Variants in SOS2 observed in about 807,000 individuals in gnomAD.
The protein encoded by SOS2 is SOS Ras/Rho guanine nucleotide exchange factor 2, also known as son of sevenless homolog 2.
A neutral mutation model predicts 148.2 loss-of-function variants in SOS2; 65 were observed. That is an observed-to-expected ratio of 0.44 (90% confidence interval 0.36 to 0.54). The LOEUF is 0.54. Among genes scored for constraint, SOS2 ranks in the 20% least tolerant of loss-of-function variants. The pLI is 0.00. For missense variants in SOS2, 1,341 were observed against 1,590.2 expected (o/e 0.84, Z 2.67); for synonymous variants, 539 against 537.1 (o/e 1.00, Z -0.05).
rs140607195 is a variant in SOS2 at position 50,173,690 on chromosome 14, G to T, written c.1068+764C>A. Among the ~76,000 whole-genome samples, 949 of 152,214 alleles carry T rather than the reference G, an allele frequency of 6.2e-3. 12 individuals carry two copies. The highest frequency in any genetic ancestry group is 0.021 in the African/African-American group (890 of 41,536). On this transcript the variant is annotated intron_variant, in intron 8 of 22. Transcript: ENST00000216373. Reference sequence around the variant, plus strand: ...CCCGCCTCGGCCTCCCAAAGTGCTGGGATTACAGGCGTGAACCACCGCGCC... The same window carrying T: ...CCCGCCTCGGCCTCCCAAAGTGCTGTGATTACAGGCGTGAACCACCGCGCC...
At chr14:50,158,967 G>A (rs1343134656) in intron 10 of SOS2, among the ~76,000 whole-genome samples, 3 of 152,020 alleles carry the variant, frequency 2.0e-5, no homozygotes, top group Non-Finnish European at 2.9e-5. Context: ...GGCGGATCAC[G>A]AGGTCAGGAG....
intron 1 of SOS2, among the ~76,000 whole-genome samples, chr14:50,210,223 T>C (rs1329725688): frequency 1.3e-5 from 2 of 151,978 alleles, no homozygotes; most frequent in Admixed American, 6.6e-5. Flanking sequence ...CATAACAGAG[T>C]CCACAAACAA....
chr14:50,118,912 TTTAAGTCTGAAAAATTC>T, intron 22 of SOS2, 59 bp from the exon 23 acceptor site: 1 of 1,119,526 alleles, frequency 8.9e-7, no homozygotes, highest in Non-Finnish European at 1.2e-6. Context: ...AAAAAAAATT[TTTAAGTCTGAAAAATTC>T]TTACTTGTCA....
At chr14:50,203,885 A>G (rs1269541281) in intron 2 of SOS2, among the ~76,000 whole-genome samples, 4 of 151,122 alleles carry the variant, frequency 2.6e-5, no homozygotes, top group Non-Finnish European at 5.9e-5. Context: ...CTTATTATTC[A>G]ATATAAAGTA....
At position 50,161,489 on chromosome 14, in the gene SOS2, G is replaced by A. The variant is rs777771444; in HGVS notation, c.1189C>T (p.Arg397Ter). Residue 397 changes from arginine to a stop codon, truncating the protein, a stop_gained, in exon 9 of 23, where the codon CGA becomes TGA. Coordinates refer to ENST00000216373, the MANE Select transcript of SOS2 (RefSeq NM_006939.4). LOFTEE classifies it high-confidence loss of function. The part of the protein sequence containing the change: ...RIYKQYSPRR[R>*]PGDPVCPFYS... ...TCAACACTTTGGAATTACCCAGGTC[G>A]ACGTCTAGGTGAATACTGCTTGTAA... 6.2e-7 allele frequency: 1 copy of A among 1,610,850 alleles called. No individual in the cohort carries two copies.
chr14:50,208,212 G>A lies in SOS2; in HGVS notation c.88-3803C>T, dbSNP rs560753459. The stretch of plus-strand genomic sequence containing the variant: ...CTTGGGAGGCTGAGGCAGGAGAATC[G>A]CTTGAACCCGGGAGGCGGAGGTTGC... On this transcript the variant is annotated intron_variant, in intron 1 of 22. Coordinates refer to ENST00000216373, the MANE Select transcript of SOS2 (RefSeq NM_006939.4). Among the ~76,000 whole-genome samples, 14 of 152,116 alleles carry A rather than the reference G, an allele frequency of 9.2e-5. 1 individual carries two copies. In the South Asian group the frequency reaches 1.5e-3, roughly 16 times the overall value.
chr14:50,121,354 T>G (rs1003763384), intron 21 of SOS2, among the ~76,000 whole-genome samples: 1 of 152,174 alleles, frequency 6.6e-6, no homozygotes, highest in African/African-American at 2.4e-5. Flanking sequence ...TATGTCTTAT[T>G]TGTCATTATA....
chr14:50,132,127 G>A (rs892482263), intron 19 of SOS2, among the ~76,000 whole-genome samples: 3 of 151,994 alleles, frequency 2.0e-5, no homozygotes, highest in South Asian at 2.1e-4. Flanking sequence ...AATGAAACAC[G>A]GTTTCCCAGT....
intron 16 of SOS2, among the ~76,000 whole-genome samples, chr14:50,144,640 G>A (rs376683583): frequency 2.2e-4 from 34 of 151,900 alleles, no homozygotes; most frequent in East Asian, 3.9e-4. Flanking sequence ...GTTTCGCCGC[G>A]TTGTCCAGGT....
chr14:50,131,245 A>T (rs1359900938), intron 19 of SOS2, among the ~76,000 whole-genome samples: 1 of 152,058 alleles, frequency 6.6e-6, no homozygotes, highest in African/African-American at 2.4e-5. Flanking sequence ...TCCCACCATC[A>T]CCTCTGTCCC....
In SOS2 at chr14:50,163,138, A is replaced by T. The variant is rs1044404188; in HGVS notation, c.1069-1529T>A. Among the ~76,000 whole-genome samples, 12 of 151,020 alleles carry T rather than the reference A, an allele frequency of 7.9e-5. No individual in the cohort carries two copies. In the Middle Eastern group the frequency reaches 0.01, roughly 132 times the overall value. On this transcript the variant is annotated intron_variant, in intron 8 of 22. Transcript: ENST00000216373. ...GCCCAGGCTGCCCTCAAACTGTTTT[A>T]ATCTTTTGAAAGAAGAGTTCAAAGT...
rs1171338164 is a variant in SOS2, at chr14:50,152,313, C to T, written c.2161+757G>A. On this transcript the variant is annotated intron_variant, in intron 13 of 22. Transcript: ENST00000216373. ...CATTTCTTGGGCTATGATTCTGAAA[C>T]TTAAAATAGAAAACTCCTCTCTTTC... Among the ~76,000 whole-genome samples, 3 of 152,104 alleles carry T rather than the reference C, an allele frequency of 2.0e-5. No homozygotes were observed. The East Asian group carries it at 5.8e-4, about 29-fold the overall frequency.
chr14:50,157,332 C>A (rs936536188), intron 11 of SOS2, among the ~76,000 whole-genome samples: 15 of 152,032 alleles, frequency 9.9e-5, no homozygotes, highest in African/African-American at 3.6e-4. Context: ...AAAGTTTTGT[C>A]TTTTAGCACT....
At chr14:50,214,112 AT>A (rs1171228130) in intron 1 of SOS2, among the ~76,000 whole-genome samples, 11 of 93,096 alleles carry the variant, frequency 1.2e-4, no homozygotes, top group South Asian at 9.0e-4. Flanking sequence ...GCTATTTTTC[AT>A]AACAAGCTTT....
At chr14:50,147,621 A>G (rs1462675865) in intron 14 of SOS2, among the ~76,000 whole-genome samples, 1 of 152,078 alleles carries the variant, frequency 6.6e-6, no homozygotes, top group Non-Finnish European at 1.5e-5. Context: ...TAAACATCAA[A>G]TTCAGGGTGG....
At position 50,118,486 on chromosome 14, in the gene SOS2, T is replaced by C. The variant is rs764614880; in HGVS notation, c.3857A>G (p.His1286Arg). Residue 1286 changes from histidine to arginine, a missense_variant, in exon 23 of 23, where the codon CAT becomes CGT. His to Arg is a conservative substitution (Grantham distance 29). Coordinates refer to ENST00000216373, the MANE Select transcript of SOS2 (RefSeq NM_006939.4). ...TGGTGGAACAGGGGGAGCTGGAGGA[T>C]GAGCAAGATTATTCTGACTAGAACT... Reference protein sequence around the residue: ...VLSSSQNNLAHPPAPPVPPRQ... With the variant: ...VLSSSQNNLARPPAPPVPPRQ... 8.1e-6 allele frequency: 13 copies of C among 1,613,966 alleles called. No homozygotes were observed. The South Asian group carries it at 1.4e-4, about 18-fold the overall frequency.
At chr14:50,201,374 T>C (rs1311857554) in intron 2 of SOS2, among the ~76,000 whole-genome samples, 1 of 151,688 alleles carries the variant, frequency 6.6e-6, no homozygotes, top group Admixed American at 6.6e-5. Context: ...CTATTAAAAA[T>C]ACAAAAATTA....
intron 4 of SOS2, among the ~76,000 whole-genome samples, chr14:50,197,993 T>G (rs1886367340): frequency 7.0e-6 from 1 of 143,186 alleles, no homozygotes; most frequent in African/African-American, 2.5e-5. Context: ...TGGCCTGCTT[T>G]GCCATCTTTT....
chr14:50,208,791 G>C (rs548226558), intron 1 of SOS2, among the ~76,000 whole-genome samples: 1 of 152,306 alleles, frequency 6.6e-6, no homozygotes, highest in South Asian at 2.1e-4. Context: ...TGGAGGTCCT[G>C]GCTATTGCAG....
Sources: gnomAD v4.1 joint callset for allele counts (sites outside exome capture counted in the v4.1 genomes callset) on GRCh38, gnomAD v4.1.1 for gene constraint, MANE v1.5 for transcripts, NCBI Gene and HGNC (gene_info 2026-07-23, HGNC 2026-07-21) for gene names.